FBXO16: variants seen among roughly 807,000 people sequenced by gnomAD.
FBXO16 encodes F-box protein 16.
In FBXO16, 31 loss-of-function variants were observed where a neutral mutation model predicts 41.0. The ratio of observed to expected loss-of-function variants is 0.76; its 90% CI spans 0.57 to 1.02. The LOEUF (loss-of-function observed/expected upper bound fraction) is 1.02, where lower values mean the gene tolerates loss of function less well. Ranked by LOEUF, FBXO16 falls within the 50% of genes least tolerant of loss-of-function variation. FBXO16 has a pLI of 0.00. For missense variants in FBXO16, 361 were observed against 346.2 expected (o/e 1.04, Z -0.34); for synonymous variants, 133 against 117.8 (o/e 1.13, Z -0.84).
chr8:28,473,545 AT>A (rs1803370409), intron 3 of FBXO16, among the ~76,000 whole-genome samples: 1 of 152,150 alleles, frequency 6.6e-6, no homozygotes, highest in Non-Finnish European at 1.5e-5. Context: ...GTGGCTGTCT[AT>A]GAAGAGAGGC....
chr8:28,488,462 A>AT (rs144491663), intron 1 of FBXO16, among the ~76,000 whole-genome samples: 2,488 of 146,202 alleles, frequency 0.017, 61 homozygotes, highest in East Asian at 0.13. Context: ...CACCTGGCTA[A>AT]TTTTTTTTTT....
At chr8:28,466,480 T>C (rs1803243505) in intron 3 of FBXO16, among the ~76,000 whole-genome samples, 1 of 151,894 alleles carries the variant, frequency 6.6e-6, no homozygotes, top group African/African-American at 2.4e-5. Flanking sequence ...ATACAAGCCA[T>C]ATCTCCAACT....
chr8:28,463,730 C>T lies in FBXO16; in HGVS notation c.224G>A (p.Arg75Gln), dbSNP rs3735726. The T allele has an allele frequency of 4.7e-3, 7,568 of 1,614,180 alleles. 54 individuals carry two copies. The highest frequency in any genetic ancestry group is 0.031 in the East Asian group (1,372 of 44,892). ...TGCTGGAATTTTCTCTTGAAGCTTTCGACAGCAGAACTTTTGCTGGGACAG... is the reference window on the plus strand; with the variant it reads ...TGCTGGAATTTTCTCTTGAAGCTTTTGACAGCAGAACTTTTGCTGGGACAG... Reference protein sequence around the residue: ...CSLSQQKFCCRKLQEKIPAEA... With the variant: ...CSLSQQKFCCQKLQEKIPAEA... Residue 75 changes from arginine to glutamine, a missense_variant, in exon 4 of 9, where the codon CGA becomes CAA. Physicochemically the swap from Arg to Gln is conservative, Grantham distance 43 (BLOSUM62 1). Coordinates refer to ENST00000380254, the MANE Select transcript of FBXO16 (RefSeq NM_172366.4).
At chr8:28,471,822 A>G (rs1340621136) in intron 3 of FBXO16, among the ~76,000 whole-genome samples, 1 of 150,422 alleles carries the variant, frequency 6.6e-6, no homozygotes, top group Non-Finnish European at 1.5e-5. Flanking sequence ...AAAAAAAAAA[A>G]AAAAAAAAAG....
At chr8:28,481,811 GAA>G (rs71549671) in intron 2 of FBXO16, among the ~76,000 whole-genome samples, 17 of 130,852 alleles carry the variant, frequency 1.3e-4, no homozygotes, top group Admixed American at 1.6e-4. Flanking sequence ...TCTGTTTCAG[GAA>G]AAAAAAAAAA....
chr8:28,451,282 T>C (rs1802947924), intron 6 of FBXO16, among the ~76,000 whole-genome samples: 1 of 152,188 alleles, frequency 6.6e-6, no homozygotes, highest in Non-Finnish European at 1.5e-5. Flanking sequence ...TGTTTTTAGG[T>C]TTGAAAGATA....
At chr8:28,486,084 T>A (rs1803596974) in intron 1 of FBXO16, among the ~76,000 whole-genome samples, 1 of 139,640 alleles carries the variant, frequency 7.2e-6, no homozygotes, top group African/African-American at 2.7e-5. Context: ...CCAGCCTGGG[T>A]GACAGAGTAA....
chr8:28,481,141 G>C (rs996297906), intron 2 of FBXO16, among the ~76,000 whole-genome samples: 2 of 152,196 alleles, frequency 1.3e-5, no homozygotes, highest in African/African-American at 2.4e-5. Context: ...GATCATGAAA[G>C]ATCCTCAACG....
intron 7 of FBXO16, among the ~76,000 whole-genome samples, chr8:28,440,722 T>C (rs988608704): frequency 2.0e-5 from 3 of 152,144 alleles, no homozygotes; most frequent in African/African-American, 7.2e-5. Context: ...AGGGCTAATC[T>C]AAGGCAATCA....
At chr8:28,465,344 C>T in intron 3 of FBXO16, 1 of 442,836 alleles carries the variant, frequency 2.3e-6, no homozygotes, top group Non-Finnish European at 4.5e-6. Flanking sequence ...AGAAATAGGC[C>T]CCGTGTGGTG....
At chr8:28,442,891 A>G (rs1459873309) in intron 7 of FBXO16, among the ~76,000 whole-genome samples, 1 of 152,142 alleles carries the variant, frequency 6.6e-6, no homozygotes, top group African/African-American at 2.4e-5. Flanking sequence ...CCGTTTCCCC[A>G]AGTATGGTTC....
At position 28,459,626 on chromosome 8, in the gene FBXO16, T is replaced by A. The variant is rs529875602; in HGVS notation, c.343-2696A>T. 9.1e-4 allele frequency among the ~76,000 whole-genome samples: 83 copies of A among 91,696 alleles called. 1 individual carries two copies. The highest frequency in any genetic ancestry group is 3.4e-3 in the African/African-American group (72 of 20,918). 60.2% of individuals were successfully genotyped at this position (91,696 alleles called of 152,430 possible). On this transcript the variant is annotated intron_variant, in intron 4 of 8. Transcript: ENST00000380254. ...CAAGAGCGAGACCCTGTCTCAAAAA[T>A]AATAATAATAATAATAATAATAATA...
chr8:28,485,267 G>A lies in FBXO16; in HGVS notation c.-16-1805C>T, dbSNP rs1044513649. 2.6e-5 allele frequency among the ~76,000 whole-genome samples: 4 copies of A among 152,194 alleles called. No homozygotes were observed. In the South Asian group the frequency reaches 6.2e-4, roughly 24 times the overall value. On this transcript the variant is annotated intron_variant, in intron 1 of 8. Transcript: ENST00000380254. Reference sequence around the variant, plus strand: ...GGCTCACTGCAACCTGCACCTCCCAGGTTCAAGCGCTTCTCCTGGCTTAGC... The same window carrying A: ...GGCTCACTGCAACCTGCACCTCCCAAGTTCAAGCGCTTCTCCTGGCTTAGC...
intron 7 of FBXO16, among the ~76,000 whole-genome samples, chr8:28,438,122 C>T (rs991146514): frequency 2.6e-4 from 39 of 151,882 alleles, no homozygotes; most frequent in African/African-American, 9.2e-4. Flanking sequence ...TCGAGACCAG[C>T]CTGGGCAACA....
chr8:28,460,809 G>A (rs1378138553), intron 4 of FBXO16, among the ~76,000 whole-genome samples: 3 of 151,900 alleles, frequency 2.0e-5, no homozygotes, highest in Admixed American at 2.0e-4. Flanking sequence ...ATCTTGGCTC[G>A]CTGCAGCTTT....
chr8:28,461,152 T>C (rs1303126286), intron 4 of FBXO16, among the ~76,000 whole-genome samples: 2 of 151,604 alleles, frequency 1.3e-5, no homozygotes, highest in East Asian at 1.9e-4. Context: ...CAGTCCCTCC[T>C]GGTAGACATT....
At chr8:28,474,726 A>G (rs1803397073) in intron 2 of FBXO16, among the ~76,000 whole-genome samples, 1 of 152,212 alleles carries the variant, frequency 6.6e-6, no homozygotes, top group African/African-American at 2.4e-5. Context: ...TTATTACAAT[A>G]TATTATTTAG....
At chr8:28,486,016 G>C (rs1803595943) in intron 1 of FBXO16, among the ~76,000 whole-genome samples, 1 of 150,986 alleles carries the variant, frequency 6.6e-6, no homozygotes. Context: ...TGAGGCAGGA[G>C]AATCGCTTAA....
At chr8:28,457,079 C>G (rs927769400) in intron 4 of FBXO16, 149 bp from the exon 5 acceptor site, 6 of 723,804 alleles carry the variant, frequency 8.3e-6, no homozygotes, top group Non-Finnish European at 1.1e-5. Context: ...TGGTTACCTC[C>G]TACCTGAAGT....
Sources: gnomAD v4.1 joint callset for allele counts (sites outside exome capture counted in the v4.1 genomes callset) on GRCh38, gnomAD v4.1.1 for gene constraint, MANE v1.5 for transcripts, NCBI Gene and HGNC (gene_info 2026-07-23, HGNC 2026-07-21) for gene names.